The following NDRG4 variants were observed in gnomAD, a reference collection of about 807,000 sequenced individuals.
NDRG4 encodes the protein protein NDRG4.
In NDRG4, 38 loss-of-function variants were observed where a neutral mutation model predicts 55.8. That is an observed-to-expected ratio of 0.68 (90% confidence interval 0.53 to 0.89). The LOEUF (loss-of-function observed/expected upper bound fraction) is 0.89, where lower values mean the gene tolerates loss of function less well. Ranked by LOEUF, NDRG4 falls within the 40% of genes least tolerant of loss-of-function variation. The probability of loss-of-function intolerance (pLI) is 0.00; values close to 1 mark genes in which losing one functional copy is unlikely to be tolerated. For synonymous variants in NDRG4, 190 were observed against 182.7 expected (o/e 1.04, Z -0.32); for missense variants, 455 against 468.6 (o/e 0.97, Z 0.27).
At chr16:58,504,473 T>G in intron 4 of NDRG4, 52 bp downstream of exon 4, 1 of 1,611,498 alleles carries the variant, frequency 6.2e-7, no homozygotes, top group Non-Finnish European at 8.5e-7. Flanking sequence ...CTACCCCAAC[T>G]GCAGAGCCAC....
chr16:58,504,001 C>T (rs566956744), intron 2 of NDRG4, 98 bp downstream of exon 2: 1 of 1,540,850 alleles, frequency 6.5e-7, no homozygotes, highest in South Asian at 1.1e-5. Context: ...CAGCCCCACT[C>T]ACACTCACCT....
In NDRG4 at chr16:58,512,574, G is replaced by C. The variant is rs1429878244; in HGVS notation, c.*998G>C. ...CCCGGACGCATCACTAAGGAAGAGA[G>C]AGTTTATTTAGTCAACTGGCCCAAG... On this transcript the variant is annotated 3_prime_UTR_variant, in exon 15 of 15. Transcript: ENST00000570248. 1 of 163,194 alleles carries C rather than the reference G, an allele frequency of 6.1e-6. No individual in the cohort carries two copies. Among genetic ancestry groups the C allele is most frequent in the Non-Finnish European group, 1.3e-5 (1 of 74,316 alleles). The allele number at this position is 163,194 out of a possible 1,614,324, so 10.1% of individuals were successfully genotyped here. A position where few individuals can be genotyped will look rare whatever the true frequency, so the allele number is the denominator to read the frequency against.
intron 1 of NDRG4, among the ~76,000 whole-genome samples, chr16:58,473,809 G>A (rs2033208220): frequency 6.6e-6 from 1 of 152,104 alleles, no homozygotes; most frequent in Non-Finnish European, 1.5e-5. Context: ...GCACATTGCA[G>A]AAGGAGGGAT....
upstream of NDRG4, among the ~76,000 whole-genome samples, chr16:58,496,219 C>T (rs1404561938): frequency 2.0e-5 from 3 of 151,960 alleles, no homozygotes; most frequent in Non-Finnish European, 2.9e-5. Flanking sequence ...TGGAGGAGAC[C>T]CTACCATACC....
At chr16:58,494,604 C>T (rs1028225311) in intron 2 of NDRG4, among the ~76,000 whole-genome samples, 3 of 152,200 alleles carry the variant, frequency 2.0e-5, no homozygotes, top group Non-Finnish European at 4.4e-5. Flanking sequence ...TCACACGCTC[C>T]TCCACCAAGT....
At position 58,464,774 on chromosome 16, in the gene NDRG4, A is replaced by G. The variant is rs564786263; in HGVS notation, c.-24+977A>G. The G allele has an allele frequency of 2.9e-5, 37 of 1,279,022 alleles. No individual in the cohort carries two copies. In the African/African-American group the frequency reaches 5.1e-4, roughly 18 times the overall value. 79.2% of individuals were successfully genotyped at this position (1,279,022 alleles called of 1,614,324 possible). ...AGCTAGCTCAGGGCTCCTGCCCTCC[A>G]ATCAGTGTCGCTTGTCCCCTAAGAA... On this transcript the variant is annotated intron_variant, in intron 1 of 15. Coordinates refer to the NDRG4 transcript ENST00000258187. This position sits in a 1 kb window ranked among gnomAD's most constrained non-coding sequence, Gnocchi z 4.8.
chr16:58,511,447 G>A lies in NDRG4; in HGVS notation c.930G>A (p.Leu310=). ...TGCCCTCAGCCAGCATGACCCGCCT[G>A]GCACGCTCCCGCACTGCATCCCTCA... ...GAVPSASMTR[L]ARSRTASLTS... The change falls in exon 15 of 15, where the codon CTG becomes CTA. Residue 310 remains leucine, a synonymous_variant. Coordinates refer to ENST00000570248, the MANE Select transcript of NDRG4 (RefSeq NM_001242835.2). 1 of 1,609,970 alleles carries A rather than the reference G, an allele frequency of 6.2e-7. No homozygotes were observed. Among genetic ancestry groups the A allele is most frequent in the Non-Finnish European group, 8.5e-7 (1 of 1,177,912 alleles).
At chr16:58,496,568 G>GC (rs2036435343), upstream of NDRG4, among the ~76,000 whole-genome samples, 1 of 152,024 alleles carries the variant, frequency 6.6e-6, no homozygotes, top group South Asian at 2.1e-4. Context: ...AGGTAGTATA[G>GC]CAGAGGGACT....
At chr16:58,500,602 GTGCC>G (rs1315605567) in intron 1 of NDRG4, 2 of 531,590 alleles carry the variant, frequency 3.8e-6, no homozygotes, top group Non-Finnish European at 6.7e-6. Context: ...CCGGGCGCTA[GTGCC>G]TGCATGTCCC....
intron 1 of NDRG4, among the ~76,000 whole-genome samples, chr16:58,474,952 C>G (rs1390610477): frequency 6.6e-6 from 1 of 152,196 alleles, no homozygotes; most frequent in African/African-American, 2.4e-5. Context: ...GGAACAGAGT[C>G]CCTCTCTGCC....
Position 58,492,547 on chromosome 16 carries a change from TGTGTGA to T in NDRG4, c.73-2415_73-2410del, listed in dbSNP as rs1489197988. Among the ~76,000 whole-genome samples the T allele has an allele frequency of 2.2e-3, 113 of 51,504 alleles. 1 individual carries two copies. Among genetic ancestry groups the T allele is most frequent in the Non-Finnish European group, 4.3e-3 (86 of 20,006 alleles). The allele number at this position is 51,504 out of a possible 152,430, so 33.8% of individuals were successfully genotyped here. On this transcript the variant is annotated intron_variant, in intron 2 of 15. Transcript: ENST00000258187. ...GTGTGTGTGTGTGTGTGTGTGTGTG[TGTGTGA>T]GAGACAGACAGACAGTCTCGCCCTG...
At chr16:58,503,110 A>T (rs774203340) in intron 1 of NDRG4, among the ~76,000 whole-genome samples, 2 of 152,188 alleles carry the variant, frequency 1.3e-5, no homozygotes, top group Non-Finnish European at 2.9e-5. Flanking sequence ...CTTCCTGAGG[A>T]AGTAATGACC....
chr16:58,503,635 C>G, intron 1 of NDRG4, 163 bp from the exon 2 acceptor site: 1 of 1,378,196 alleles, frequency 7.3e-7, no homozygotes, highest in South Asian at 1.2e-5. Context: ...GGTGTTCCAT[C>G]CATTCAGTCC....
intron 5 of NDRG4, among the ~76,000 whole-genome samples, chr16:58,505,167 G>A (rs534918815): frequency 7.2e-5 from 11 of 152,028 alleles, no homozygotes; most frequent in South Asian, 2.1e-4. Flanking sequence ...GGCTAACACG[G>A]TGAAACCCAG....
chr16:58,507,412 G>A (rs1317016593), intron 8 of NDRG4: 2 of 355,332 alleles, frequency 5.6e-6, no homozygotes, highest in Non-Finnish European at 1.0e-5. Context: ...CCTGCAGGAA[G>A]GTGGCCAGGC....
intron 1 of NDRG4, among the ~76,000 whole-genome samples, chr16:58,471,186 C>CTTTT (rs528375397): frequency 1.0e-4 from 7 of 67,070 alleles, no homozygotes; most frequent in African/African-American, 1.7e-4. Flanking sequence ...ATGTGTGTTG[C>CTTTT]TTTTTTTTTT....
intron 1 of NDRG4, among the ~76,000 whole-genome samples, chr16:58,467,042 T>A (rs1400721788): frequency 6.6e-6 from 1 of 152,156 alleles, no homozygotes; most frequent in African/African-American, 2.4e-5. Context: ...CAGGTCACAG[T>A]CCGGGAGGTG....
intron 1 of NDRG4, among the ~76,000 whole-genome samples, chr16:58,476,819 A>G (rs777529208): frequency 1.3e-5 from 2 of 152,236 alleles, no homozygotes; most frequent in Non-Finnish European, 2.9e-5. Flanking sequence ...TTCCTTTTTA[A>G]AAATTTACAA....
chr16:58,515,347 C>T, downstream of NDRG4: 1 of 607,708 alleles, frequency 1.6e-6, no homozygotes, highest in Non-Finnish European at 2.7e-6. Flanking sequence ...ACTCGCAGCG[C>T]GTGAGTGCAA....
Sources: gnomAD v4.1 joint callset for allele counts (sites outside exome capture counted in the v4.1 genomes callset) on GRCh38, gnomAD v4.1.1 for gene constraint, Gnocchi (gnomAD v3.1) non-coding constraint, MANE v1.5 for transcripts, NCBI Gene and HGNC (gene_info 2026-07-23, HGNC 2026-07-21) for gene names.